The following LRRN1 variants were observed in gnomAD, a reference collection of about 807,000 sequenced individuals.
The protein encoded by LRRN1 is leucine-rich repeat neuronal protein 1.
In LRRN1, 14 loss-of-function variants were observed where a neutral mutation model predicts 45.8. The observed-to-expected ratio is 0.31, with a 90% CI of 0.20 to 0.48. The LOEUF (loss-of-function observed/expected upper bound fraction) is 0.48. Among genes scored for constraint, LRRN1 ranks in the 20% least tolerant of loss-of-function variants. The pLI is 0.99. For synonymous variants in LRRN1, 359 were observed against 330.1 expected (o/e 1.09, Z -0.95); for missense variants, 789 against 874.2 (o/e 0.90, Z 1.23).
chr3:3,826,745 T>C (rs548495980), intron 1 of LRRN1, among the ~76,000 whole-genome samples: 1 of 152,186 alleles, frequency 6.6e-6, no homozygotes, highest in South Asian at 2.1e-4. Flanking sequence ...GAGAAAGAAA[T>C]CTAAGAGTCA....
At chr3:3,830,374 C>T (rs1693339877) in intron 1 of LRRN1, among the ~76,000 whole-genome samples, 2 of 152,250 alleles carry the variant, frequency 1.3e-5, no homozygotes, top group Admixed American at 1.3e-4. Flanking sequence ...TATATACTCA[C>T]ACATCTGGCC....
chr3:3,829,818 C>T (rs1030681090), intron 1 of LRRN1, among the ~76,000 whole-genome samples: 2 of 152,212 alleles, frequency 1.3e-5, no homozygotes, highest in African/African-American at 4.8e-5. Flanking sequence ...GCACTGCATG[C>T]AGGATAGGCA....
At chr3:3,842,637 T>C (rs572815400) in intron 1 of LRRN1, among the ~76,000 whole-genome samples, 5 of 152,226 alleles carry the variant, frequency 3.3e-5, no homozygotes, top group Non-Finnish European at 5.9e-5. Context: ...GAGCACTGGG[T>C]TTAAACACAT....
intron 1 of LRRN1, among the ~76,000 whole-genome samples, chr3:3,814,438 C>T (rs1227415424): frequency 2.6e-5 from 4 of 151,830 alleles, no homozygotes; most frequent in Admixed American, 2.6e-4. Context: ...TTGTTGGGTT[C>T]TGCATCCTGC....
chr3:3,807,819 T>C (rs940471394), intron 1 of LRRN1, among the ~76,000 whole-genome samples: 4 of 152,168 alleles, frequency 2.6e-5, no homozygotes, highest in African/African-American at 7.2e-5. Context: ...CAGGTTGTTA[T>C]TCCAGCTGAC....
rs180763053 is a variant in LRRN1, at chr3:3,807,076, C to T, written c.-279+7157C>T. On this transcript the variant is annotated intron_variant, in intron 1 of 1. Transcript: ENST00000319331. ...CTCAGCATGCTAGCTCTTGGGTTAC[C>T]GAAGAAAGCAAGGACCTACGATGCA... Among the ~76,000 whole-genome samples the T allele has an allele frequency of 1.2e-3, 189 of 152,196 alleles. 1 individual carries two copies. Among genetic ancestry groups the T allele is most frequent in the African/African-American group, 4.4e-3 (183 of 41,526 alleles).
At chr3:3,843,253 G>A (rs927787891) in intron 1 of LRRN1, among the ~76,000 whole-genome samples, 4 of 152,198 alleles carry the variant, frequency 2.6e-5, no homozygotes, top group African/African-American at 9.6e-5. Flanking sequence ...TTATTAAGCA[G>A]TGAGTGACAT....
At chr3:3,835,168 C>T (rs1252547809) in intron 1 of LRRN1, among the ~76,000 whole-genome samples, 1 of 152,138 alleles carries the variant, frequency 6.6e-6, no homozygotes, top group East Asian at 1.9e-4. Context: ...CTGATACACC[C>T]ATCTTAAGTT....
rs192234123 is a variant in LRRN1 at position 3,813,659 on chromosome 3, C to T, written c.-279+13740C>T. On this transcript the variant is annotated intron_variant, in intron 1 of 1. Coordinates refer to ENST00000319331, the MANE Select transcript of LRRN1 (RefSeq NM_020873.7). ...ATAACCTCACTTCCAAACTCCAGTCCTATATTTCCAAATGCCTGCTGGATA... is the reference window on the plus strand; with the variant it reads ...ATAACCTCACTTCCAAACTCCAGTCTTATATTTCCAAATGCCTGCTGGATA... Among the ~76,000 whole-genome samples the T allele has an allele frequency of 2.2e-3, 337 of 152,180 alleles. 2 individuals carry two copies. The highest frequency in any genetic ancestry group is 3.1e-3 in the East Asian group (16 of 5,178).
At chr3:3,800,380 G>A (rs1692620773) in intron 1 of LRRN1, among the ~76,000 whole-genome samples, 1 of 152,136 alleles carries the variant, frequency 6.6e-6, no homozygotes, top group Non-Finnish European at 1.5e-5. Context: ...GCCAAGAGGA[G>A]GGCAAGGAAG....
chr3:3,835,605 C>G (rs1198263301), intron 1 of LRRN1, among the ~76,000 whole-genome samples: 1 of 118,998 alleles, frequency 8.4e-6, no homozygotes. Flanking sequence ...TTTTTTTTTG[C>G]AGTAACAGAA....
chr3:3,821,646 A>G (rs1693108170), intron 1 of LRRN1, among the ~76,000 whole-genome samples: 1 of 152,120 alleles, frequency 6.6e-6, no homozygotes, highest in African/African-American at 2.4e-5. Context: ...CTGACACTAG[A>G]TTTCATCAGA....
At chr3:3,808,272 G>C (rs1170800382) in intron 1 of LRRN1, among the ~76,000 whole-genome samples, 4 of 152,158 alleles carry the variant, frequency 2.6e-5, no homozygotes, top group Non-Finnish European at 5.9e-5. Context: ...ACTCTACACT[G>C]TGCCTTTCCA....
chr3:3,813,242 T>C (rs879337518), intron 1 of LRRN1, among the ~76,000 whole-genome samples: 1 of 152,196 alleles, frequency 6.6e-6, no homozygotes, highest in East Asian at 1.9e-4. Context: ...TCGTCGGTGC[T>C]CTAATGACCA....
rs34173470 is a variant in LRRN1, at chr3:3,847,383, C to CT, written c.*605dup. The CT allele has an allele frequency of 3.4e-4, 52 of 153,858 alleles. No individual in the cohort carries two copies. Among genetic ancestry groups the CT allele is most frequent in the African/African-American group, 9.8e-4 (39 of 39,964 alleles). The allele number at this position is 153,858 out of a possible 1,614,324, so 9.5% of individuals were successfully genotyped here. ...AAACAATGAATTTTCTTTTTCTTTC[C>CT]TTTTTTTTTTTTTTGTTGTAATAGT... On this transcript the variant is annotated 3_prime_UTR_variant, in exon 2 of 2. Coordinates refer to ENST00000319331, the MANE Select transcript of LRRN1 (RefSeq NM_020873.7).
rs542213891 is a variant in LRRN1 at position 3,849,820 on chromosome 3, G to A, written c.*3028G>A. 2.6e-5 allele frequency among the ~76,000 whole-genome samples: 4 copies of A among 152,274 alleles called. No homozygotes were observed. Among genetic ancestry groups the A allele is most frequent in the Admixed American group, 2.0e-4 (3 of 15,290 alleles). Reference sequence around the variant, plus strand: ...ATTTTTTTGCAAACAATATCAAAGTGCATATTTTCTCTCATGTGGTTTCTA... The same window carrying A: ...ATTTTTTTGCAAACAATATCAAAGTACATATTTTCTCTCATGTGGTTTCTA... On this transcript the variant is annotated 3_prime_UTR_variant, in exon 2 of 2. Transcript: ENST00000319331.
chr3:3,834,889 G>C (rs1022078338), intron 1 of LRRN1, among the ~76,000 whole-genome samples: 1 of 151,922 alleles, frequency 6.6e-6, no homozygotes, highest in African/African-American at 2.4e-5. Context: ...GCCTTCCCCA[G>C]CCCACTGACT....
intron 1 of LRRN1, among the ~76,000 whole-genome samples, chr3:3,823,112 G>A (rs1286930549): frequency 6.6e-6 from 1 of 152,090 alleles, no homozygotes; most frequent in African/African-American, 2.4e-5. Context: ...CAAGTCATTT[G>A]GGAAAAATCG....
chr3:3,847,846 G>A lies in LRRN1; in HGVS notation c.*1054G>A, dbSNP rs1013827155. 1 of 164,850 alleles carries A rather than the reference G, an allele frequency of 6.1e-6. No homozygotes were observed. Among genetic ancestry groups the A allele is most frequent in the Non-Finnish European group, 1.5e-5 (1 of 68,088 alleles). The allele number at this position is 164,850 out of a possible 1,614,324, so 10.2% of individuals were successfully genotyped here. The stretch of plus-strand genomic sequence containing the variant: ...TAAATAGTACTGACTAGCACCTAAT[G>A]GGCAGTGGGAGGGTGGTTCATATGA... On this transcript the variant is annotated 3_prime_UTR_variant, in exon 2 of 2. Coordinates refer to ENST00000319331, the MANE Select transcript of LRRN1 (RefSeq NM_020873.7).
Sources: allele counts gnomAD v4.1 joint callset (sites outside exome capture counted in the v4.1 genomes callset), GRCh38; gene constraint gnomAD v4.1.1; transcripts MANE v1.5; gene names NCBI Gene and HGNC (gene_info 2026-07-23, HGNC 2026-07-21).